CFHR4: variants seen among roughly 807,000 people sequenced by gnomAD.
CFHR4 encodes complement factor H-related protein 4.
A neutral mutation model predicts 69.3 loss-of-function variants in CFHR4; 64 were observed. That is an observed-to-expected ratio of 0.92 (90% CI 0.76 to 1.14). CFHR4 has a LOEUF of 1.14. CFHR4 is among the 50% of genes most tolerant of loss of function. The pLI, the probability that CFHR4 is intolerant of heterozygous loss-of-function variation, is 0.00. For synonymous variants in CFHR4, 244 were observed against 237.0 expected, an observed-to-expected ratio of 1.03 and a Z score of -0.27; for missense variants, 636 against 684.9, an observed-to-expected ratio of 0.93 and a Z score of 0.80.
chr1:196,918,252 T>C lies in CFHR4; in HGVS notation c.1583T>C (p.Ile528Thr), dbSNP rs1558255040. 3.7e-6 allele frequency: 6 copies of C among 1,606,752 alleles called. No individual in the cohort carries two copies. The highest frequency in any genetic ancestry group is 5.1e-6 in the Non-Finnish European group (6 of 1,175,022). The change falls in exon 10 of 10, where the codon ATA (isoleucine) becomes ACA (threonine). Residue 528 changes from isoleucine to threonine, a missense_variant. Around this residue, in one of 3 missense-constraint regions of CFHR4, gnomAD observed 85 missense variants for 79.0 expected, o/e 1.08. Transcript: ENST00000608469. ...GAAGAAAACATGAATAAAAATAACA[T>C]ACAGTTAAAAGGAAAAAGTGACATA... ...ITEENMNKNN[I>T]QLKGKSDIKY...
rs181358200 is a variant in CFHR4, at chr1:196,895,824, T to A, written c.59-6594T>A. Among the ~76,000 whole-genome samples, 787 of 151,682 alleles carry A rather than the reference T, an allele frequency of 5.2e-3. 34 individuals are homozygous for A. Among genetic ancestry groups the A allele is most frequent in the African/African-American group, 0.018 (755 of 41,208 alleles). ...TTTCCTATTTCTTTGTATGACATAA[T>A]TTTTTTGTTGAAAACTGAACATTTT... On this transcript the variant is annotated intron_variant, in intron 1 of 9. Coordinates refer to ENST00000608469, the MANE Select transcript of CFHR4 (RefSeq NM_001201550.3).
chr1:196,889,076 A>G (rs145425477), intron 1 of CFHR4, among the ~76,000 whole-genome samples: 1,916 of 151,574 alleles, frequency 0.013, 97 homozygotes, highest in African/African-American at 0.043. Flanking sequence ...AACAAATTTT[A>G]TAATTATCCA....
chr1:196,899,198 T>C (rs938574940), intron 1 of CFHR4, among the ~76,000 whole-genome samples: 2 of 151,534 alleles, frequency 1.3e-5, no homozygotes, highest in African/African-American at 4.9e-5. Flanking sequence ...TTCAAGATTT[T>C]TTCTGTCTCT....
At chr1:196,915,667 T>C (rs1454186733) in intron 9 of CFHR4, among the ~76,000 whole-genome samples, 1 of 149,860 alleles carries the variant, frequency 6.7e-6, no homozygotes, top group Admixed American at 6.6e-5. Context: ...AAAAAATAAA[T>C]AAATAAAACA....
At chr1:196,901,204 T>C (rs1184501515) in intron 1 of CFHR4, among the ~76,000 whole-genome samples, 2 of 151,206 alleles carry the variant, frequency 1.3e-5, no homozygotes, top group East Asian at 1.9e-4. Flanking sequence ...TAAGATGCTA[T>C]TTATAAGCAA....
chr1:196,888,258 C>T (rs778938854), intron 1 of CFHR4, 50 bp downstream of exon 1: 16 of 1,556,738 alleles, frequency 1.0e-5, no homozygotes, highest in East Asian at 4.5e-5. Context: ...AATGTAACTT[C>T]GTGTAATATC....
chr1:196,914,186 G>A (rs937596572), intron 7 of CFHR4, among the ~76,000 whole-genome samples: 1 of 151,382 alleles, frequency 6.6e-6, no homozygotes, highest in Admixed American at 6.6e-5. Flanking sequence ...ATAGATTGTA[G>A]TATCATAGTA....
intron 1 of CFHR4, among the ~76,000 whole-genome samples, chr1:196,900,134 AT>A (rs1417132647): frequency 7.9e-5 from 12 of 151,386 alleles, no homozygotes; most frequent in Non-Finnish European, 1.2e-4. Context: ...GTACAAACAG[AT>A]TAGCAACCAC....
At chr1:196,891,627 A>G (rs142947269) in intron 1 of CFHR4, among the ~76,000 whole-genome samples, 5 of 151,588 alleles carry the variant, frequency 3.3e-5, no homozygotes, top group Non-Finnish European at 7.4e-5. Flanking sequence ...ATTTTTCTTT[A>G]GTTATATTCT....
chr1:196,907,518 G>A lies in CFHR4; in HGVS notation c.799+20G>A. 2 of 1,584,754 alleles carry A rather than the reference G, an allele frequency of 1.3e-6. No individual in the cohort carries two copies. Among genetic ancestry groups the A allele is most frequent in the Non-Finnish European group, 1.7e-6 (2 of 1,159,804 alleles). On this transcript the variant is annotated intron_variant, in intron 5 of 9. Transcript: ENST00000608469. ...GCATATGTAAGTTCTTAATATTCTG[G>A]ATCTGAGAAAATTAGAGTAATAACT...
In CFHR4 at chr1:196,888,194, G is replaced by A; in HGVS notation, c.44G>A (p.Cys15Tyr). 6.2e-7 allele frequency: 1 copy of A among 1,611,160 alleles called. No homozygotes were observed. The highest frequency in any genetic ancestry group is 8.5e-7 in the Non-Finnish European group (1 of 1,178,618). Residue 15 changes from cysteine (C) to tyrosine (Y), a missense_variant, in exon 1 of 10, where the codon TGT becomes TAT. Around this residue, in one of 3 missense-constraint regions of CFHR4, gnomAD observed 529 missense variants for 533.2 expected, o/e 0.99. Coordinates refer to ENST00000608469, the MANE Select transcript of CFHR4 (RefSeq NM_001201550.3). ...INVILTLWVSCANGQEVKPCD... is the reference protein window; with the variant it reads ...INVILTLWVSYANGQEVKPCD... ...GTCATTCTGACCTTGTGGGTTTCCTGTGCTAATGGACAAGGTAAGTTGAAA... is the reference window on the plus strand; with the variant it reads ...GTCATTCTGACCTTGTGGGTTTCCTATGCTAATGGACAAGGTAAGTTGAAA...
At chr1:196,891,533 A>G (rs372680034) in intron 1 of CFHR4, among the ~76,000 whole-genome samples, 1 of 151,024 alleles carries the variant, frequency 6.6e-6, no homozygotes, top group South Asian at 2.1e-4. Flanking sequence ...ACTTCTCTGA[A>G]CTTAGTCTTC....
intron 1 of CFHR4, among the ~76,000 whole-genome samples, chr1:196,897,740 G>C (rs1208467718): frequency 6.6e-6 from 1 of 151,240 alleles, no homozygotes; most frequent in Non-Finnish European, 1.5e-5. Flanking sequence ...GTTCAGCCGC[G>C]TATGTGTGCC....
chr1:196,914,806 G>C, intron 8 of CFHR4, 135 bp downstream of exon 8: 1 of 1,368,274 alleles, frequency 7.3e-7, no homozygotes, highest in Non-Finnish European at 9.6e-7. Context: ...ATTATCTTGA[G>C]ACTTAAAAAA....
At chr1:196,902,357 A>G in intron 1 of CFHR4, 61 bp from the exon 2 acceptor site, 1 of 1,140,158 alleles carries the variant, frequency 8.8e-7, no homozygotes, top group Non-Finnish European at 1.3e-6. Context: ...CAAAAATGTC[A>G]TATATGATTA....
intron 2 of CFHR4, 75 bp downstream of exon 2, chr1:196,902,690 T>A: frequency 8.9e-7 from 1 of 1,121,094 alleles, no homozygotes. Flanking sequence ...AATGATTATA[T>A]TGTCTTATAT....
chr1:196,906,386 T>C (rs1320977304), intron 3 of CFHR4, among the ~76,000 whole-genome samples: 1 of 151,476 alleles, frequency 6.6e-6, no homozygotes, highest in Non-Finnish European at 1.5e-5. Flanking sequence ...TGATAAATGA[T>C]CTAAGATTTG....
chr1:196,905,167 A>G lies in CFHR4; in HGVS notation c.316A>G (p.Ile106Val), dbSNP rs1657842885. The change falls in exon 3 of 10, where the codon ATT becomes GTT. Residue 106 changes from isoleucine (I) to valine (V), a missense_variant. Coordinates refer to ENST00000608469, the MANE Select transcript of CFHR4 (RefSeq NM_001201550.3). ...ENGFISESSS[I>V]YILNEETQYN... ...TGGATTCATTTCTGAATCTTCCTCTATTTATATTTTAAATGAAGAAACACA... is the reference window on the plus strand; with the variant it reads ...TGGATTCATTTCTGAATCTTCCTCTGTTTATATTTTAAATGAAGAAACACA... 7.5e-6 allele frequency: 12 copies of G among 1,608,806 alleles called. No homozygotes were observed. The highest frequency in any genetic ancestry group is 1.7e-5 in the Admixed American group (1 of 59,498).
intron 6 of CFHR4, among the ~76,000 whole-genome samples, 176 bp from the exon 7 acceptor site, chr1:196,912,564 G>A (rs1005254233): frequency 6.6e-6 from 1 of 151,312 alleles, no homozygotes; most frequent in African/African-American, 2.4e-5. Context: ...ATTTCCTTCA[G>A]AAATTCGTGG....
Sources: allele counts gnomAD v4.1 joint callset (sites outside exome capture counted in the v4.1 genomes callset), GRCh38; gene constraint gnomAD v4.1.1; regional missense constraint gnomAD v4.1.1; transcripts MANE v1.5; gene names NCBI Gene and HGNC (gene_info 2026-07-23, HGNC 2026-07-21).